ARID1B: variants seen among roughly 807,000 people sequenced by gnomAD.
ARID1B encodes the protein AT-rich interaction domain 1B.
A neutral mutation model predicts 212.3 loss-of-function variants in ARID1B; 30 were observed. The ratio of observed to expected loss-of-function variants is 0.14; its 90% CI spans 0.11 to 0.19. ARID1B has a LOEUF of 0.19. Ranked by LOEUF, ARID1B falls within the 10% of genes least tolerant of loss-of-function variation. The pLI is 1.00. For synonymous variants in ARID1B, 1,402 were observed against 1,301.7 expected (o/e 1.08, Z -1.66); for missense variants, 2,891 against 3,204.0 (o/e 0.90, Z 2.36).
At chr6:156,790,133 A>G (rs1172756927) in intron 1 of ARID1B, among the ~76,000 whole-genome samples, 1 of 152,238 alleles carries the variant, frequency 6.6e-6, no homozygotes, top group Non-Finnish European at 1.5e-5. Context: ...TTATTGAGCA[A>G]TTCTAAAATG....
chr6:156,936,168 C>T (rs1792192248), intron 4 of ARID1B: 2 of 152,100 alleles, frequency 1.3e-5, no homozygotes, highest in Non-Finnish European at 2.9e-5. Context: ...CATGGAGAAA[C>T]CCTATCTCTA....
intron 4 of ARID1B, among the ~76,000 whole-genome samples, chr6:156,958,906 C>T (rs1794158778): frequency 6.6e-6 from 1 of 152,180 alleles, no homozygotes; most frequent in Non-Finnish European, 1.5e-5. Context: ...AATAAAGGAG[C>T]CCCTTTCTTT....
rs139513230 is a variant in ARID1B at position 157,063,270 on chromosome 6, T to TG, written c.2248-21386dup. Among the ~76,000 whole-genome samples, 1,229 of 152,184 alleles carry TG rather than the reference T, an allele frequency of 8.1e-3. 21 individuals are homozygous for TG. The highest frequency in any genetic ancestry group is 0.028 in the African/African-American group (1,176 of 41,516). ...GAGTAAGGGAAGAAGGGGTGGCAGC[T>TG]GGGGGGCTAACATTTACTGAGCAGC... On this transcript the variant is annotated intron_variant, in intron 4 of 19. Coordinates refer to ENST00000636930, the MANE Select transcript of ARID1B (RefSeq NM_001374828.1).
chr6:156,788,198 C>T (rs1052545271), intron 1 of ARID1B, among the ~76,000 whole-genome samples: 6 of 152,110 alleles, frequency 3.9e-5, no homozygotes, highest in South Asian at 2.1e-4. Context: ...AGCTATGCAC[C>T]GCTGAACAGC....
intron 11 of ARID1B, among the ~76,000 whole-genome samples, chr6:157,176,365 T>G (rs965986877): frequency 1.4e-4 from 21 of 152,178 alleles, no homozygotes; most frequent in African/African-American, 4.6e-4. Context: ...CAGCCGACAT[T>G]GTGTTTTTCC....
chr6:156,893,281 C>T (rs1002257815), intron 2 of ARID1B, among the ~76,000 whole-genome samples: 4 of 152,094 alleles, frequency 2.6e-5, no homozygotes, highest in Non-Finnish European at 5.9e-5. Flanking sequence ...TCGCCTCGGC[C>T]GTCCGAAGTG....
chr6:157,148,639 C>G lies in ARID1B; in HGVS notation c.2777C>G (p.Pro926Arg). ...QYGPQGNYSR[P>R]PAYSGVPSAS... ...TTTTGTTTAGGTAACTACTCCAGAC[C>G]CCCAGCGTATAGTGGGGTGCCCAGT... The change falls in exon 8 of 20, where the codon CCC becomes CGC. Residue 926 changes from proline to arginine, a missense_variant. Physicochemically the swap from Pro to Arg is moderately radical, Grantham distance 103. This residue lies in a region of ARID1B where 1,643 missense variants were observed against 1,544.0 expected (regional missense o/e 1.06). Coordinates refer to ENST00000636930, the MANE Select transcript of ARID1B (RefSeq NM_001374828.1). The surrounding 1 kb of genome is among the most constrained non-coding windows in gnomAD (Gnocchi z 5.6). The G allele has an allele frequency of 6.3e-7, 1 of 1,588,502 alleles. No individual in the cohort carries two copies. Among genetic ancestry groups the G allele is most frequent in the Non-Finnish European group, 8.6e-7 (1 of 1,159,170 alleles).
At chr6:157,110,125 C>T (rs12211307) in intron 5 of ARID1B, among the ~76,000 whole-genome samples, 13,553 of 152,178 alleles carry the variant, frequency 0.089, 657 homozygotes, top group Non-Finnish European at 0.11. Context: ...TGGAGACTCA[C>T]GTAAGAGTCA....
intron 8 of ARID1B, chr6:157,164,648 T>C (rs1430290298): frequency 2.0e-5 from 3 of 152,206 alleles, no homozygotes; most frequent in Non-Finnish European, 4.4e-5. Context: ...GTAATTCTCA[T>C]GTGCAAGGGA....
rs576813184 is a variant in ARID1B, at chr6:157,109,775, G to C, written c.2492-697G>C. Among the ~76,000 whole-genome samples, 3 of 152,272 alleles carry C rather than the reference G, an allele frequency of 2.0e-5. No individual in the cohort carries two copies. The South Asian group carries it at 6.2e-4, about 32-fold the overall frequency. On this transcript the variant is annotated intron_variant, in intron 5 of 19. Coordinates refer to ENST00000636930, the MANE Select transcript of ARID1B (RefSeq NM_001374828.1). Reference sequence around the variant, plus strand: ...ATTAAGTATTTGCTATGTTCAGAGAGGGATTGAAGGAATACAGATAAGATT... The same window carrying C: ...ATTAAGTATTTGCTATGTTCAGAGACGGATTGAAGGAATACAGATAAGATT...
chr6:157,167,025 T>C lies in ARID1B; in HGVS notation c.3090-15T>C. The C allele has an allele frequency of 6.2e-7, 1 of 1,608,886 alleles. No homozygotes were observed. Among genetic ancestry groups the C allele is most frequent in the Non-Finnish European group, 8.5e-7 (1 of 1,179,902 alleles). Reference sequence around the variant, plus strand: ...CATGGTCGGTATATGTGTGCTGTGCTTTCTCTTCCTGTAGGCAAGGCAGTT... The same window carrying C: ...CATGGTCGGTATATGTGTGCTGTGCCTTCTCTTCCTGTAGGCAAGGCAGTT... On this transcript the variant is annotated splice_polypyrimidine_tract_variant and intron_variant, in intron 8 of 19. Transcript: ENST00000636930.
intron 2 of ARID1B, among the ~76,000 whole-genome samples, chr6:156,882,796 G>A (rs1787205540): frequency 6.6e-6 from 1 of 152,224 alleles, no homozygotes; most frequent in Non-Finnish European, 1.5e-5. Context: ...AGTTTTGGGT[G>A]AGGGAAGGTG....
At chr6:156,988,146 C>T (rs1778049947) in intron 4 of ARID1B, among the ~76,000 whole-genome samples, 1 of 152,124 alleles carries the variant, frequency 6.6e-6, no homozygotes, top group Admixed American at 6.5e-5. Context: ...GATTATTGTT[C>T]AAGGATTTAG....
chr6:156,990,371 T>C (rs6899555), intron 4 of ARID1B, among the ~76,000 whole-genome samples: 45,300 of 151,680 alleles, frequency 0.3, 6,964 homozygotes, highest in Non-Finnish European at 0.33. Context: ...GGCCGGGCGC[T>C]GTGGCTCACA....
chr6:157,164,826 A>G (rs537770678), intron 8 of ARID1B: 1 of 152,348 alleles, frequency 6.6e-6, no homozygotes, highest in Non-Finnish European at 1.5e-5. Context: ...AAGGACAGCC[A>G]TCACAGAGCA....
intron 9 of ARID1B, among the ~76,000 whole-genome samples, chr6:157,170,675 C>T (rs1383178691): frequency 6.6e-6 from 1 of 152,140 alleles, no homozygotes; most frequent in African/African-American, 2.4e-5. Context: ...GGCCAGTGTC[C>T]TGGGGGTGGC....
intron 6 of ARID1B, among the ~76,000 whole-genome samples, chr6:157,122,123 A>G (rs576751162): frequency 2.6e-4 from 40 of 152,330 alleles, no homozygotes; most frequent in Admixed American, 1.8e-3. Context: ...CATTAGGCCA[A>G]CTAGGCCAGT....
intron 2 of ARID1B, among the ~76,000 whole-genome samples, chr6:156,876,795 A>G (rs1786595853): frequency 6.6e-6 from 1 of 152,222 alleles, no homozygotes. Flanking sequence ...TCCTACTTCC[A>G]GATCATTCTC....
chr6:157,064,100 G>C (rs779244026), intron 4 of ARID1B, among the ~76,000 whole-genome samples: 2 of 152,218 alleles, frequency 1.3e-5, no homozygotes, highest in Non-Finnish European at 2.9e-5. Flanking sequence ...CATTCTGGTT[G>C]TGCAGTCATC....
Sources: gnomAD v4.1 joint callset for allele counts (sites outside exome capture counted in the v4.1 genomes callset) on GRCh38, gnomAD v4.1.1 for gene constraint, gnomAD v4.1.1 regional missense constraint, Gnocchi (gnomAD v3.1) non-coding constraint, MANE v1.5 for transcripts, NCBI Gene and HGNC (gene_info 2026-07-23, HGNC 2026-07-21) for gene names.